DPP10: variants seen among roughly 807,000 people sequenced by gnomAD.
DPP10 encodes dipeptidyl peptidase like 10.
Under a neutral mutation model 120.9 loss-of-function variants are expected in DPP10, and 33 were observed. That is an observed-to-expected ratio of 0.27 (90% confidence interval 0.21 to 0.37). DPP10 has a LOEUF of 0.37. Among genes scored for constraint, DPP10 ranks in the 10% least tolerant of loss-of-function variants. The probability of loss-of-function intolerance (pLI) is 1.00; values close to 1 mark genes in which losing one functional copy is unlikely to be tolerated. For missense variants in DPP10, 816 were observed against 942.8 expected (o/e 0.87, Z 1.76); for synonymous variants, 337 against 326.1 (o/e 1.03, Z -0.36).
chr2:115,645,935 C>A (rs1652424250), intron 5 of DPP10, among the ~76,000 whole-genome samples: 1 of 152,028 alleles, frequency 6.6e-6, no homozygotes, highest in African/African-American at 2.4e-5. Flanking sequence ...ACATAAATAT[C>A]ATAGACAGGA....
intron 1 of DPP10, among the ~76,000 whole-genome samples, chr2:114,947,168 A>G (rs2104614154): frequency 6.6e-6 from 1 of 152,032 alleles, no homozygotes; most frequent in East Asian, 1.9e-4. Flanking sequence ...TTAGTTGATC[A>G]TTTGCTGCTT....
chr2:114,530,844 GACAAA>G (rs1442357800), intron 1 of DPP10, among the ~76,000 whole-genome samples: 2 of 152,014 alleles, frequency 1.3e-5, no homozygotes, highest in African/African-American at 4.8e-5. Context: ...GATATATGGT[GACAAA>G]ACAAAACCAC....
At chr2:115,593,332 G>A (rs779650538) in intron 5 of DPP10, among the ~76,000 whole-genome samples, 21 of 152,174 alleles carry the variant, frequency 1.4e-4, no homozygotes, top group Non-Finnish European at 2.9e-4. Context: ...AGTTTCTAGG[G>A]CATCCTCAGA....
chr2:115,769,404 A>G lies in DPP10; in HGVS notation c.1221+1000A>G, dbSNP rs575359909. ...ATATACATTTGTATTGGACAGCTTA[A>G]TGCTTTAGAGTCTCAAAATCTTATG... On this transcript the variant is annotated intron_variant, in intron 13 of 25. Coordinates refer to ENST00000410059, the MANE Select transcript of DPP10 (RefSeq NM_020868.6). Among the ~76,000 whole-genome samples, 7 of 152,216 alleles carry G rather than the reference A, an allele frequency of 4.6e-5. No individual in the cohort carries two copies. In the South Asian group the frequency reaches 1.2e-3, roughly 27 times the overall value.
chr2:114,519,280 T>C (rs1213916418), intron 1 of DPP10, among the ~76,000 whole-genome samples: 1 of 152,232 alleles, frequency 6.6e-6, no homozygotes, highest in African/African-American at 2.4e-5. Flanking sequence ...GTTTTCCTCA[T>C]CTTAGCGACT....
intron 13 of DPP10, among the ~76,000 whole-genome samples, chr2:115,769,644 AATGCATTTATAGATGCATTTATAT>A (rs1681215740): frequency 6.6e-6 from 1 of 152,002 alleles, no homozygotes; most frequent in Non-Finnish European, 1.5e-5. Flanking sequence ...GCTCTAAATA[AATGCATTTATAGATGCATTTATAT>A]ATGCATTTAT....
intron 3 of DPP10, among the ~76,000 whole-genome samples, chr2:115,420,106 G>T (rs148255524): frequency 6.6e-6 from 1 of 151,970 alleles, no homozygotes; most frequent in African/African-American, 2.4e-5. Flanking sequence ...GAAATATTTC[G>T]GTCCAGAACT....
chr2:115,309,803 T>A (rs973685844), intron 2 of DPP10, among the ~76,000 whole-genome samples: 1 of 152,070 alleles, frequency 6.6e-6, no homozygotes, highest in Non-Finnish European at 1.5e-5. Context: ...GCCTCTAAAT[T>A]TGGACACCTA....
At chr2:114,896,366 G>A (rs1364533312) in intron 1 of DPP10, among the ~76,000 whole-genome samples, 3 of 152,132 alleles carry the variant, frequency 2.0e-5, no homozygotes, top group Non-Finnish European at 4.4e-5. Flanking sequence ...TGACCCACGA[G>A]CATGGAATGT....
chr2:115,403,254 G>A (rs146800180), intron 3 of DPP10, among the ~76,000 whole-genome samples: 12 of 151,948 alleles, frequency 7.9e-5, no homozygotes, highest in African/African-American at 2.7e-4. Flanking sequence ...ATGTACTTCA[G>A]CACAATATAT....
At chr2:115,432,248 C>T (rs1365919976) in intron 3 of DPP10, among the ~76,000 whole-genome samples, 2 of 152,066 alleles carry the variant, frequency 1.3e-5, no homozygotes, top group Non-Finnish European at 2.9e-5. Flanking sequence ...CATGACAGAC[C>T]TCAACATGTT....
intron 1 of DPP10, among the ~76,000 whole-genome samples, chr2:114,855,506 C>T (rs1030064523): frequency 1.3e-5 from 2 of 152,146 alleles, no homozygotes; most frequent in African/African-American, 2.4e-5. Flanking sequence ...TTCAAAATTT[C>T]AGAAGGTTTA....
At chr2:114,915,208 T>C (rs1275753721) in intron 1 of DPP10, among the ~76,000 whole-genome samples, 1 of 152,164 alleles carries the variant, frequency 6.6e-6, no homozygotes, top group East Asian at 1.9e-4. Context: ...CAGAGGTTGC[T>C]ATTCTTATTT....
Position 114,741,867 on chromosome 2 carries a change from A to G in DPP10, c.60+299029A>G, listed in dbSNP as rs563613864. Among the ~76,000 whole-genome samples the G allele has an allele frequency of 6.4e-4, 97 of 152,336 alleles. 1 individual carries two copies. The highest frequency in any genetic ancestry group is 1.1e-3 in the Non-Finnish European group (72 of 68,036). On this transcript the variant is annotated intron_variant, in intron 1 of 25. Coordinates refer to ENST00000410059, the MANE Select transcript of DPP10 (RefSeq NM_020868.6). The stretch of plus-strand genomic sequence containing the variant: ...CTTTTCTGGAGACTTCAGAGAGAAC[A>G]TGGCTATGTAGATAACTTGATTTTA...
Position 115,038,418 on chromosome 2 carries a change from C to T in DPP10, c.61-270821C>T, listed in dbSNP as rs190825543. ...CCAGAGTAGCTGGGACTACAGGCGC[C>T]CGCCACCACGCCCGGCTAATGTTTT... is the stretch of plus-strand genomic sequence containing the variant. On this transcript the variant is annotated intron_variant, in intron 1 of 25. Transcript: ENST00000410059. 4.0e-3 allele frequency among the ~76,000 whole-genome samples: 602 copies of T among 151,930 alleles called. 1 individual carries two copies. Among genetic ancestry groups the T allele is most frequent in the African/African-American group, 0.014 (562 of 41,440 alleles).
chr2:115,566,288 C>G (rs767960106), intron 5 of DPP10, among the ~76,000 whole-genome samples: 7 of 151,680 alleles, frequency 4.6e-5, no homozygotes, highest in Non-Finnish European at 5.9e-5. Context: ...ACGTTTTTTC[C>G]TAATGTTTGG....
chr2:115,305,107 C>A (rs1040707682), intron 1 of DPP10, among the ~76,000 whole-genome samples: 5 of 152,030 alleles, frequency 3.3e-5, no homozygotes, highest in African/African-American at 1.2e-4. Flanking sequence ...AAAAGTAGCA[C>A]CATCTATGGA....
At chr2:115,743,091 GA>G (rs1489143799) in intron 9 of DPP10, among the ~76,000 whole-genome samples, 3 of 151,700 alleles carry the variant, frequency 2.0e-5, no homozygotes, top group Non-Finnish European at 2.9e-5. Flanking sequence ...CAGAATAATA[GA>G]GGGGAGAAAT....
chr2:114,834,123 C>T (rs562168611), intron 1 of DPP10: 2 of 151,664 alleles, frequency 1.3e-5, no homozygotes, highest in South Asian at 4.2e-4. Context: ...CATATCTACG[C>T]ACCTATGTAT....
Sources: gnomAD v4.1 joint callset for allele counts (sites outside exome capture counted in the v4.1 genomes callset) on GRCh38, gnomAD v4.1.1 for gene constraint, MANE v1.5 for transcripts, NCBI Gene and HGNC (gene_info 2026-07-23, HGNC 2026-07-21) for gene names.